The following EML4 variants were observed in gnomAD, a reference collection of about 807,000 sequenced individuals.
The protein encoded by EML4 is EMAP like 4.
In EML4, 72 loss-of-function variants were observed where a neutral mutation model predicts 129.0. The ratio of observed to expected loss-of-function variants is 0.56; its 90% confidence interval spans 0.46 to 0.68. The LOEUF is 0.68. EML4 is among the 30% of genes least tolerant of loss of function. The probability of loss-of-function intolerance (pLI) is 0.00; values close to 1 mark genes in which losing one functional copy is unlikely to be tolerated. For synonymous variants in EML4, 532 were observed against 405.0 expected, an observed-to-expected ratio of 1.31 and a Z score of -3.77; for missense variants, 1,363 against 1,190.6, an observed-to-expected ratio of 1.14 and a Z score of -2.13.
chr2:42,203,262 G>A (rs895769242), intron 1 of EML4, among the ~76,000 whole-genome samples: 1 of 152,132 alleles, frequency 6.6e-6, no homozygotes, highest in Non-Finnish European at 1.5e-5. Flanking sequence ...TTTTCCATGA[G>A]TATATGAAGG....
At chr2:42,295,855 G>A (rs1462287837) in intron 13 of EML4, among the ~76,000 whole-genome samples, 1 of 152,136 alleles carries the variant, frequency 6.6e-6, no homozygotes, top group African/African-American at 2.4e-5. Flanking sequence ...CAGAATGCAT[G>A]GCCATGTGAT....
chr2:42,204,554 T>G (rs980733970), intron 1 of EML4, among the ~76,000 whole-genome samples: 3 of 152,234 alleles, frequency 2.0e-5, no homozygotes, highest in African/African-American at 7.2e-5. Context: ...CAACACTGAA[T>G]TTCATGTAAT....
At chr2:42,179,353 C>T (rs1670799828) in intron 1 of EML4, among the ~76,000 whole-genome samples, 1 of 150,036 alleles carries the variant, frequency 6.7e-6, no homozygotes, top group Non-Finnish European at 1.5e-5. Context: ...ACTAAATGAA[C>T]TACCTGATTT....
intron 11 of EML4, chr2:42,288,581 A>G (rs1667444203): frequency 1.4e-5 from 3 of 212,328 alleles, no homozygotes; most frequent in Admixed American, 5.8e-5. Flanking sequence ...GAGTAGATGG[A>G]TGTGTGATCT....
At chr2:42,285,687 C>G (rs1265791093) in intron 9 of EML4, among the ~76,000 whole-genome samples, 2 of 150,952 alleles carry the variant, frequency 1.3e-5, no homozygotes, top group Non-Finnish European at 2.9e-5. Context: ...CAACCTGTGT[C>G]TCCCAGGTTC....
intron 6 of EML4, among the ~76,000 whole-genome samples, chr2:42,274,777 G>A (rs978694308): frequency 3.9e-5 from 6 of 152,136 alleles, no homozygotes; most frequent in Admixed American, 3.3e-4. Context: ...AGTATCAGAT[G>A]GCCTAAGGGA....
intron 17 of EML4, among the ~76,000 whole-genome samples, chr2:42,313,512 A>G (rs969744824): frequency 1.3e-5 from 2 of 152,164 alleles, no homozygotes; most frequent in African/African-American, 2.4e-5. Flanking sequence ...ACGTTAAACC[A>G]TACCACTAAG....
At position 42,306,484 on chromosome 2, in the gene EML4, C is replaced by CTTTTTTTTTTTTT. The variant is rs375707062; in HGVS notation, c.1967+1947_1967+1959dup. Among the ~76,000 whole-genome samples the CTTTTTTTTTTTTT allele has an allele frequency of 3.4e-3, 252 of 74,602 alleles. 38 individuals are homozygous for CTTTTTTTTTTTTT. The highest frequency in any genetic ancestry group is 5.8e-3 in the Non-Finnish European group (219 of 37,830). 48.9% of individuals were successfully genotyped at this position (74,602 alleles called of 152,430 possible). A position where few individuals can be genotyped will look rare whatever the true frequency, so the allele number is the denominator to read the frequency against. ...GTGTCTGATGACCTTGTGCTAAATC[C>CTTTTTTTTTTTTT]TTTTTTTTTTTTTTTTTTTTTTTTT... On this transcript the variant is annotated intron_variant, in intron 17 of 22. Transcript: ENST00000318522.
intron 1 of EML4, among the ~76,000 whole-genome samples, chr2:42,225,579 T>C (rs889875602): frequency 6.6e-6 from 1 of 152,176 alleles, no homozygotes; most frequent in African/African-American, 2.4e-5. Flanking sequence ...TGTATAAAAG[T>C]TCTGATGCTC....
In EML4 at chr2:42,263,216, C is replaced by G. The variant is rs780992466; in HGVS notation, c.551C>G (p.Ser184Cys). 6.2e-6 allele frequency: 10 copies of G among 1,612,658 alleles called. No individual in the cohort carries two copies. In the East Asian group the frequency reaches 1.8e-4, roughly 29 times the overall value. Residue 184 changes from serine (S) to cysteine (C), a missense_variant, in exon 5 of 23, where the codon TCT (serine) becomes TGT (cysteine). By Grantham distance (112) the Ser-to-Cys change is moderately radical. Coordinates refer to ENST00000318522, the MANE Select transcript of EML4 (RefSeq NM_019063.5). ...TCACCAGCTGAAAAGTCACATAATT[C>G]TTGGGAAAATTCAGATGATAGCCGT... ...RPSPAEKSHNSWENSDDSRNK... is the reference protein window; with the variant it reads ...RPSPAEKSHNCWENSDDSRNK...
intron 1 of EML4, among the ~76,000 whole-genome samples, chr2:42,180,547 A>T (rs1264403830): frequency 6.6e-6 from 1 of 152,140 alleles, no homozygotes; most frequent in East Asian, 1.9e-4. Context: ...TGGCCTCTAT[A>T]GACCTGTCTT....
intron 17 of EML4, among the ~76,000 whole-genome samples, chr2:42,311,806 T>C (rs2103768229): frequency 6.6e-6 from 1 of 152,352 alleles, no homozygotes; most frequent in East Asian, 1.9e-4. Context: ...ACATAACCTA[T>C]GGGTACTGTC....
chr2:42,284,864 C>T (rs979405087), intron 9 of EML4, among the ~76,000 whole-genome samples, 161 bp downstream of exon 9: 1 of 152,080 alleles, frequency 6.6e-6, no homozygotes. Context: ...TATAAGAACA[C>T]TTTAAAAGAC....
intron 1 of EML4, among the ~76,000 whole-genome samples, chr2:42,223,064 C>G (rs927917311): frequency 6.6e-6 from 1 of 152,074 alleles, no homozygotes; most frequent in Non-Finnish European, 1.5e-5. Flanking sequence ...TTCGGCCTCC[C>G]AAAGTGCTGG....
intron 1 of EML4, among the ~76,000 whole-genome samples, chr2:42,222,862 A>C (rs1003591187): frequency 6.6e-6 from 1 of 152,004 alleles, no homozygotes; most frequent in African/African-American, 2.4e-5. Context: ...GCAATGGTGC[A>C]ATCTCGGCTC....
intron 1 of EML4, among the ~76,000 whole-genome samples, chr2:42,228,002 T>G (rs1674086172): frequency 6.6e-6 from 1 of 152,220 alleles, no homozygotes; most frequent in African/African-American, 2.4e-5. Flanking sequence ...GGCGGATTAC[T>G]TGAGGTCAGG....
At chr2:42,200,034 G>A (rs1052541014) in intron 1 of EML4, among the ~76,000 whole-genome samples, 2 of 152,036 alleles carry the variant, frequency 1.3e-5, no homozygotes. Context: ...TACCGGCCAG[G>A]CGCGGTGGCT....
chr2:42,202,113 T>G lies in EML4; in HGVS notation c.25+32477T>G, dbSNP rs753080762. Among the ~76,000 whole-genome samples the G allele has an allele frequency of 4.5e-4, 68 of 149,748 alleles. 1 individual carries two copies. The highest frequency in any genetic ancestry group is 4.1e-3 in the Admixed American group (62 of 15,038). ...AAAAAAAAAGAAGTAGAAAGTAGAA[T>G]GACAGTTGCCGGGGGCTTGGAGGGG... On this transcript the variant is annotated intron_variant, in intron 1 of 22. Coordinates refer to ENST00000318522, the MANE Select transcript of EML4 (RefSeq NM_019063.5).
In EML4 at chr2:42,331,777, T is replaced by A. The variant is rs914578167; in HGVS notation, c.*1570T>A. 4.5e-6 allele frequency: 1 copy of A among 221,620 alleles called. No homozygotes were observed. 13.7% of individuals were successfully genotyped at this position (221,620 alleles called of 1,614,324 possible). A position where few individuals can be genotyped will look rare whatever the true frequency, so the allele number is the denominator to read the frequency against. ...CCCAAGGACATTTACAACATTTATA[T>A]TCACACGCTGTATGGAAGGGTGTGG... On this transcript the variant is annotated 3_prime_UTR_variant, in exon 23 of 23. Coordinates refer to ENST00000318522, the MANE Select transcript of EML4 (RefSeq NM_019063.5).
Sources: gnomAD v4.1 joint callset for allele counts (sites outside exome capture counted in the v4.1 genomes callset) on GRCh38, gnomAD v4.1.1 for gene constraint, MANE v1.5 for transcripts, NCBI Gene and HGNC (gene_info 2026-07-23, HGNC 2026-07-21) for gene names.